Variants in RASSF8 observed in about 807,000 individuals in gnomAD.
The protein encoded by RASSF8 is ras association domain-containing protein 8.
RASSF8 carries 22 observed loss-of-function variants against 48.5 expected under a neutral mutation model. The ratio of observed to expected loss-of-function variants is 0.45; its 90% CI spans 0.32 to 0.65. The LOEUF is 0.65. RASSF8 is among the 30% of genes least tolerant of loss of function. The pLI is 0.03. For synonymous variants in RASSF8, 127 were observed against 171.5 expected (o/e 0.74, Z 2.03); for missense variants, 418 against 489.2 (o/e 0.85, Z 1.37).
intron 2 of RASSF8, among the ~76,000 whole-genome samples, chr12:26,032,258 GTA>G (rs1565628198): frequency 6.6e-6 from 1 of 152,138 alleles, no homozygotes; most frequent in East Asian, 1.9e-4. Context: ...GGAATATTGT[GTA>G]TGTTATTGCT....
In RASSF8 at chr12:26,060,341, T is replaced by TATTGAATGCACAACTGGC. The variant is rs568306874; in HGVS notation, c.104-4157_104-4156insATTGAATGCACAACTGGC. Among the ~76,000 whole-genome samples, 77 of 152,330 alleles carry TATTGAATGCACAACTGGC rather than the reference T, an allele frequency of 5.1e-4. 2 individuals carry two copies. The South Asian group carries it at 0.015, about 29-fold the overall frequency. On this transcript the variant is annotated intron_variant, in intron 3 of 5. Coordinates refer to ENST00000689635, the MANE Select transcript of RASSF8 (RefSeq NM_001394098.1). ...AATGCACAACTGGCTGACAGGTATA[T>TATTGAATGCACAACTGGC]TCAGAGATAATTTTTTATTGTATCA...
chr12:26,026,379 GAAATGA>G (rs1300123111), intron 2 of RASSF8, among the ~76,000 whole-genome samples: 2 of 152,298 alleles, frequency 1.3e-5, no homozygotes, highest in East Asian at 1.9e-4. Flanking sequence ...AGCCTTCAGA[GAAATGA>G]AAATGAAAAT....
intron 3 of RASSF8, among the ~76,000 whole-genome samples, chr12:26,061,853 T>G (rs1429761527): frequency 2.0e-5 from 3 of 152,198 alleles, no homozygotes; most frequent in African/African-American, 7.2e-5. Flanking sequence ...CTTTTTTATA[T>G]TGCTGGATGG....
At chr12:25,995,920 G>A (rs186074757) in intron 2 of RASSF8, among the ~76,000 whole-genome samples, 4 of 152,260 alleles carry the variant, frequency 2.6e-5, no homozygotes, top group East Asian at 1.9e-4. Flanking sequence ...CAAAAGTTAT[G>A]TGTGTGCATT....
chr12:26,015,675 A>T (rs961363201), intron 2 of RASSF8, among the ~76,000 whole-genome samples: 1 of 152,112 alleles, frequency 6.6e-6, no homozygotes, highest in Non-Finnish European at 1.5e-5. Context: ...TTTTTTAGTG[A>T]TGTTGTTAGA....
chr12:25,987,486 G>A (rs968207696), intron 1 of RASSF8, among the ~76,000 whole-genome samples: 2 of 152,146 alleles, frequency 1.3e-5, no homozygotes, highest in Admixed American at 6.5e-5. Context: ...AAATGATAAG[G>A]TTTCAGAAAC....
intron 3 of RASSF8, among the ~76,000 whole-genome samples, chr12:26,060,915 A>G (rs573359741): frequency 1.3e-5 from 2 of 152,262 alleles, no homozygotes; most frequent in East Asian, 3.9e-4. Context: ...TTTCTTTGTC[A>G]TGTTCTTTTG....
chr12:26,070,932 A>G lies in RASSF8; in HGVS notation c.*2114A>G, dbSNP rs1255674752. The G allele has an allele frequency of 2.0e-6, 2 of 984,154 alleles. No individual in the cohort carries two copies. The highest frequency in any genetic ancestry group is 1.7e-5 in the African/African-American group (1 of 57,218). 61.0% of individuals were successfully genotyped at this position (984,154 alleles called of 1,614,324 possible). On this transcript the variant is annotated 3_prime_UTR_variant, in exon 6 of 6. Coordinates refer to ENST00000689635, the MANE Select transcript of RASSF8 (RefSeq NM_001394098.1). ...TAACCTAATAACTTTAAGTAAGGAC[A>G]AGCAGCATCCTAGCAACTTGTAGTA... is the stretch of plus-strand genomic sequence containing the variant.
intron 3 of RASSF8, among the ~76,000 whole-genome samples, chr12:26,063,538 G>A (rs7299421): frequency 0.37 from 56,727 of 151,702 alleles, 12,054 homozygotes; most frequent in Non-Finnish European, 0.49. Context: ...CTAGGACTAC[G>A]GTGCACAGCA....
At chr12:25,996,007 C>T (rs555919357) in intron 2 of RASSF8, among the ~76,000 whole-genome samples, 9 of 152,286 alleles carry the variant, frequency 5.9e-5, no homozygotes, top group Admixed American at 3.9e-4. Flanking sequence ...ACTTCACAGC[C>T]TTCTAATAAT....
At chr12:26,073,849 C>CACACACATATATAT (rs35014279), downstream of RASSF8, among the ~76,000 whole-genome samples, 4 of 144,112 alleles carry the variant, frequency 2.8e-5, no homozygotes, top group African/African-American at 1.1e-4. Flanking sequence ...CACACACACA[C>CACACACATATATAT]ATATATATAT....
chr12:26,075,873 G>A (rs1051120564), downstream of RASSF8, among the ~76,000 whole-genome samples: 3 of 152,144 alleles, frequency 2.0e-5, no homozygotes, highest in Non-Finnish European at 4.4e-5. Flanking sequence ...AGGCAAGGGA[G>A]GGGCTCACCA....
intron 1 of RASSF8, among the ~76,000 whole-genome samples, chr12:25,980,437 G>A (rs956946087): frequency 6.6e-6 from 1 of 152,150 alleles, no homozygotes; most frequent in African/African-American, 2.4e-5. Flanking sequence ...CCCTTCCTCC[G>A]TAATCATTTC....
At chr12:26,014,007 G>T (rs1439805323) in intron 2 of RASSF8, among the ~76,000 whole-genome samples, 1 of 152,182 alleles carries the variant, frequency 6.6e-6, no homozygotes, top group Non-Finnish European at 1.5e-5. Context: ...CAGACCTGTG[G>T]TATTGGTTTG....
At chr12:25,971,140 G>T (rs1267900152) in intron 1 of RASSF8, among the ~76,000 whole-genome samples, 3 of 152,198 alleles carry the variant, frequency 2.0e-5, no homozygotes, top group African/African-American at 4.8e-5. Flanking sequence ...CCTCGATGCA[G>T]TTCAAGGAAT....
In RASSF8 at chr12:26,008,059, G is replaced by T. The variant is rs576100976; in HGVS notation, c.-109+12929G>T. ...GAGGCCGAGGCGGGCAGATCTCAAG[G>T]TCAGGAGACCGAGACCATCCTGGCT... On this transcript the variant is annotated intron_variant, in intron 2 of 5. Coordinates refer to ENST00000689635, the MANE Select transcript of RASSF8 (RefSeq NM_001394098.1). Among the ~76,000 whole-genome samples the T allele has an allele frequency of 1.2e-3, 179 of 152,250 alleles. 2 individuals carry two copies. Among genetic ancestry groups the T allele is most frequent in the East Asian group, 5.8e-4 (3 of 5,174 alleles).
chr12:26,059,154 C>T (rs920440327), intron 3 of RASSF8, among the ~76,000 whole-genome samples: 7 of 152,070 alleles, frequency 4.6e-5, no homozygotes, highest in Non-Finnish European at 8.8e-5. Flanking sequence ...TATCTCAAAC[C>T]AAAAATATGA....
Position 26,048,214 on chromosome 12 carries a change from C to T in RASSF8, c.-108-7022C>T, listed in dbSNP as rs148521596. Among the ~76,000 whole-genome samples the T allele has an allele frequency of 4.3e-3, 651 of 152,272 alleles. 20 individuals carry two copies. The highest frequency in any genetic ancestry group is 0.017 in the South Asian group (83 of 4,818). ...GCACTGTGCTGATCCATTTGGTTTC[C>T]GGGAACTCTGAAATGCATAACCTTT... On this transcript the variant is annotated intron_variant, in intron 2 of 5. Coordinates refer to ENST00000689635, the MANE Select transcript of RASSF8 (RefSeq NM_001394098.1).
intron 1 of RASSF8, among the ~76,000 whole-genome samples, chr12:25,981,842 C>T (rs184480142): frequency 3.3e-5 from 5 of 152,276 alleles, no homozygotes; most frequent in Non-Finnish European, 5.9e-5. Flanking sequence ...TGTATTACAG[C>T]GTTCAAAGCC....
Sources: allele counts gnomAD v4.1 joint callset (sites outside exome capture counted in the v4.1 genomes callset), GRCh38; gene constraint gnomAD v4.1.1; transcripts MANE v1.5; gene names NCBI Gene and HGNC (gene_info 2026-07-23, HGNC 2026-07-21).